Variants in COL5A3 observed in about 807,000 individuals in gnomAD.
COL5A3 encodes collagen type V alpha 3 chain.
COL5A3 carries 172 observed loss-of-function variants against 250.0 expected under a neutral mutation model. The ratio of observed to expected loss-of-function variants is 0.69; its 90% CI spans 0.61 to 0.78. The LOEUF (loss-of-function observed/expected upper bound fraction) is 0.78, where lower values mean the gene tolerates loss of function less well. Among genes scored for constraint, COL5A3 ranks in the 30% least tolerant of loss-of-function variants. The pLI is 0.00. For missense variants in COL5A3, 2,340 were observed against 2,334.4 expected, an observed-to-expected ratio of 1.00 and a Z score of -0.05; for synonymous variants, 937 against 900.4, an observed-to-expected ratio of 1.04 and a Z score of -0.73.
In COL5A3 at chr19:9,986,714, C is replaced by T. The variant is rs754639647; in HGVS notation, c.2190G>A (p.Lys730=). The T allele has an allele frequency of 6.2e-7, 1 of 1,613,912 alleles. No homozygotes were observed. Among genetic ancestry groups the T allele is most frequent in the African/African-American group, 1.3e-5 (1 of 74,950 alleles). ...NRGLQGEKGE[K]GEDGFPGFKG... The stretch of plus-strand genomic sequence containing the variant: ...TCTGATGAGTTCCTTCTCTCCTCAC[C>T]TTCTCGCCTTTCTCCCCCTGGAGGC... Residue 730 remains lysine, a splice_region_variant and synonymous_variant, in exon 28 of 67, where the codon AAG becomes AAA. Coordinates refer to ENST00000264828, the MANE Select transcript of COL5A3 (RefSeq NM_015719.4).
chr19:9,991,878 G>T (rs534272781), intron 22 of COL5A3, 37 bp from the exon 23 acceptor site: 4 of 1,603,418 alleles, frequency 2.5e-6, no homozygotes, highest in Non-Finnish European at 3.4e-6. Flanking sequence ...AGCTAAGAGG[G>T]GTCATGGTGT....
At position 9,981,102 on chromosome 19, in the gene COL5A3, C is replaced by G. The variant is rs752043570; in HGVS notation, c.2491G>C (p.Glu831Gln). 1 of 1,614,040 alleles carries G rather than the reference C, an allele frequency of 6.2e-7. No homozygotes were observed. The highest frequency in any genetic ancestry group is 1.1e-5 in the South Asian group (1 of 91,086). The change falls in exon 33 of 67, where the codon GAG becomes CAG. Residue 831 changes from glutamate (E) to glutamine (Q), a missense_variant. Glu to Gln is a conservative substitution (Grantham distance 29). Coordinates refer to ENST00000264828, the MANE Select transcript of COL5A3 (RefSeq NM_015719.4). ...GKTGQPGLEGERGPPGSRGER... is the reference protein window; with the variant it reads ...GKTGQPGLEGQRGPPGSRGER... ...TATTTTCTTACTGGTGGTCCCCGCT[C>G]TCCTTCCAGGCCTGGCTGCCCTGTC...
intron 1 of COL5A3, among the ~76,000 whole-genome samples, chr19:10,008,298 G>C (rs114716836): frequency 6.6e-6 from 1 of 152,110 alleles, no homozygotes; most frequent in Non-Finnish European, 1.5e-5. Flanking sequence ...AGTCCTTCCC[G>C]GCATCCAACT....
Position 9,986,557 on chromosome 19 carries a change from T to G in COL5A3, c.2240A>C (p.Asp747Ala). Residue 747 changes from aspartate to alanine, a missense_variant, in exon 29 of 67, where the codon GAT (aspartate) becomes GCT (alanine). Transcript: ENST00000264828. The stretch of plus-strand genomic sequence containing the variant: ...CTCATCTGGAGCTGGTCTTACCTGA[T>G]CACCTTTGAGCCCCACATCGCCCTT... ...GFKGDVGLKG[D>A]QGKPGAPGPR... 6.2e-7 allele frequency: 1 copy of G among 1,613,800 alleles called. No individual in the cohort carries two copies. Among genetic ancestry groups the G allele is most frequent in the Non-Finnish European group, 8.5e-7 (1 of 1,179,964 alleles).
chr19:9,989,813 G>T (rs1447147805), intron 24 of COL5A3, among the ~76,000 whole-genome samples: 1 of 152,238 alleles, frequency 6.6e-6, no homozygotes, highest in Admixed American at 6.5e-5. Context: ...TGTCGCCCAG[G>T]TTGGAGTGCA....
chr19:10,007,889 T>A (rs2087465507), intron 1 of COL5A3, among the ~76,000 whole-genome samples: 1 of 151,942 alleles, frequency 6.6e-6, no homozygotes, highest in South Asian at 2.1e-4. Context: ...TGCCGGGTCT[T>A]TCCAGGCCTC....
intron 65 of COL5A3, among the ~76,000 whole-genome samples, chr19:9,961,809 T>C (rs543785810): frequency 9.2e-5 from 14 of 152,124 alleles, no homozygotes; most frequent in East Asian, 1.9e-4. Context: ...CCGCCCACCT[T>C]GGCCTCCCAA....
At chr19:9,995,405 G>C (rs562140843) in intron 16 of COL5A3, among the ~76,000 whole-genome samples, 159 bp downstream of exon 16, 1 of 152,188 alleles carries the variant, frequency 6.6e-6, no homozygotes. Flanking sequence ...CGGCCTGGCC[G>C]GATTCCTTTG....
intron 5 of COL5A3, 85 bp downstream of exon 5, chr19:10,003,956 G>A: frequency 8.5e-6 from 10 of 1,177,888 alleles, no homozygotes; most frequent in Middle Eastern, 1.9e-4. Flanking sequence ...TCTGGGGGAT[G>A]AGAATTCACT....
At position 10,003,637 on chromosome 19, in the gene COL5A3, G is replaced by A; in HGVS notation, c.777C>T (p.Arg259=). 1.2e-6 allele frequency: 2 copies of A among 1,614,100 alleles called. No homozygotes were observed. The highest frequency in any genetic ancestry group is 1.7e-6 in the Non-Finnish European group (2 of 1,180,024). ...TGTTCTTTTTCCTGCCCTTCCCCTT[G>A]CGACCTCGCCCTTTCTTCCTCCCTT... The part of the protein sequence containing the change: ...KGKGRKKGRG[R]KGKGRKKNKE... Residue 259 remains arginine (R), a synonymous_variant, in exon 6 of 67, where the codon CGC becomes CGT. Transcript: ENST00000264828.
Position 9,992,831 on chromosome 19 carries a change from C to A in COL5A3, c.1844G>T (p.Arg615Leu), listed in dbSNP as rs375719134. Reference sequence around the variant, plus strand: ...CAGAGAGCCAGTGACACTCACCGGGCGACCCGTGGGGCCAGGAGAGCCTCT... The same window carrying A: ...CAGAGAGCCAGTGACACTCACCGGGAGACCCGTGGGGCCAGGAGAGCCTCT... ...GPRGSPGPTG[R>L]PGVTGIDGAP... The change falls in exon 21 of 67, where the codon CGC becomes CTC. Residue 615 changes from arginine to leucine, a missense_variant. Coordinates refer to ENST00000264828, the MANE Select transcript of COL5A3 (RefSeq NM_015719.4). The A allele has an allele frequency of 1.2e-6, 2 of 1,613,910 alleles. No homozygotes were observed. Among genetic ancestry groups the A allele is most frequent in the East Asian group, 2.2e-5 (1 of 44,880 alleles).
chr19:9,981,015 C>T, intron 33 of COL5A3, 73 bp downstream of exon 33: 4 of 1,556,368 alleles, frequency 2.6e-6, no homozygotes, highest in Non-Finnish European at 3.5e-6. Flanking sequence ...CACAGATGAC[C>T]TCTCCACTAC....
rs759115088 is a variant in COL5A3, at chr19:9,973,034, G to A, written c.3667-8C>T. 6.2e-7 allele frequency: 1 copy of A among 1,600,522 alleles called. No individual in the cohort carries two copies. The highest frequency in any genetic ancestry group is 8.5e-7 in the Non-Finnish European group (1 of 1,172,890). On this transcript the variant is annotated splice_polypyrimidine_tract_variant and splice_region_variant and intron_variant, in intron 50 of 66. Transcript: ENST00000264828. Reference sequence around the variant, plus strand: ...AATGTCTCCCTTGGGCCCCTTTACAGAAAGAGGTCAGAGGTCAGAGTGGCC... The same window carrying A: ...AATGTCTCCCTTGGGCCCCTTTACAAAAAGAGGTCAGAGGTCAGAGTGGCC...
chr19:9,978,688 C>A, intron 40 of COL5A3, 61 bp from the exon 41 acceptor site: 3 of 1,235,340 alleles, frequency 2.4e-6, no homozygotes, highest in South Asian at 1.5e-5. Flanking sequence ...GTCCTGTCTT[C>A]CTCTGTGGGG....
chr19:10,009,732 C>A lies in COL5A3; in HGVS notation c.88+566G>T, dbSNP rs2087498934. The stretch of plus-strand genomic sequence containing the variant: ...AGACGCAAAGGAAACTGTGGGTTCC[C>A]GAAGAGCACCCCCCAATACTTGTCC... On this transcript the variant is annotated intron_variant, in intron 1 of 66. Coordinates refer to ENST00000264828, the MANE Select transcript of COL5A3 (RefSeq NM_015719.4). The surrounding 1 kb of genome is among the most constrained non-coding windows in gnomAD (Gnocchi z 4.4). Among the ~76,000 whole-genome samples, 1 of 152,032 alleles carries A rather than the reference C, an allele frequency of 6.6e-6. No homozygotes were observed. The highest frequency in any genetic ancestry group is 2.1e-4 in the South Asian group (1 of 4,826).
Position 9,991,833 on chromosome 19 carries a change from T to C in COL5A3, c.1902A>G (p.Pro634=). 1 of 1,608,508 alleles carries C rather than the reference T, an allele frequency of 6.2e-7. No homozygotes were observed. The change falls in exon 23 of 67, where the codon CCA becomes CCG. Residue 634 remains proline (P), a synonymous_variant. Transcript: ENST00000264828. ...APGAKGNVGP[P]GEPGPPGQQG... ...GCTGTCCCGGAGGGCCTGGTTCTCC[T>C]GGAGGACCCTGGGGAGAAAGTGGGG...
At chr19:9,966,027 T>C (rs781050415) in intron 64 of COL5A3, among the ~76,000 whole-genome samples, 5 of 151,812 alleles carry the variant, frequency 3.3e-5, no homozygotes, top group Middle Eastern at 3.2e-3. Flanking sequence ...AAATGGGGTT[T>C]TGCTATGTTG....
In COL5A3 at chr19:9,983,620, A is replaced by G. The variant is rs190995892; in HGVS notation, c.2407-1502T>C. On this transcript the variant is annotated intron_variant, in intron 31 of 66. Coordinates refer to ENST00000264828, the MANE Select transcript of COL5A3 (RefSeq NM_015719.4). Reference sequence around the variant, plus strand: ...AGAAAGAGAAAGAGAGAGAGAGAGAAAGAAAGAAAGAAGAGAGAGAGAGAA... The same window carrying G: ...AGAAAGAGAAAGAGAGAGAGAGAGAGAGAAAGAAAGAAGAGAGAGAGAGAA... Among the ~76,000 whole-genome samples, 830 of 124,600 alleles carry G rather than the reference A, an allele frequency of 6.7e-3. 20 individuals carry two copies. Among genetic ancestry groups the G allele is most frequent in the African/African-American group, 0.016 (520 of 33,138 alleles). 81.7% of individuals were successfully genotyped at this position (124,600 alleles called of 152,430 possible).
chr19:9,969,396 G>T lies in COL5A3; in HGVS notation c.4105C>A (p.Pro1369Thr). ...LRGIPGPVGE[P>T]GLLGAPGQMG... ...TGTCCAGGGGCTCCCAGGAGGCCTG[G>T]TTCACCCTGAGAATGGAACAGAACA... The change falls in exon 57 of 67, where the codon CCA becomes ACA. Residue 1369 changes from proline to threonine, a missense_variant. By Grantham distance (38) the Pro-to-Thr change is conservative. Transcript: ENST00000264828. The T allele has an allele frequency of 6.2e-7, 1 of 1,607,662 alleles. No homozygotes were observed. Among genetic ancestry groups the T allele is most frequent in the Non-Finnish European group, 8.5e-7 (1 of 1,177,608 alleles).
Sources: allele counts gnomAD v4.1 joint callset (sites outside exome capture counted in the v4.1 genomes callset), GRCh38; gene constraint gnomAD v4.1.1; non-coding constraint Gnocchi (gnomAD v3.1); transcripts MANE v1.5; gene names NCBI Gene and HGNC (gene_info 2026-07-23, HGNC 2026-07-21).